The following KYNU variants were observed in gnomAD, a reference collection of about 807,000 sequenced individuals.
The protein encoded by KYNU is kynureninase, also known as L-kynurenine hydrolase.
In KYNU, 54 loss-of-function variants were observed where a neutral mutation model predicts 59.2. The observed-to-expected ratio is 0.91, with a 90% confidence interval of 0.73 to 1.14. The LOEUF (loss-of-function observed/expected upper bound fraction) is 1.14. KYNU is among the 50% of genes most tolerant of loss of function. KYNU has a pLI of 0.00. For missense variants in KYNU, 567 were observed against 554.4 expected, an observed-to-expected ratio of 1.02 and a Z score of -0.23; for synonymous variants, 177 against 192.0, an observed-to-expected ratio of 0.92 and a Z score of 0.65.
chr2:143,007,237 G>A (rs1241740369), intron 10 of KYNU, among the ~76,000 whole-genome samples: 1 of 150,036 alleles, frequency 6.7e-6, no homozygotes, highest in South Asian at 2.1e-4. Flanking sequence ...TGAAAACCAA[G>A]GCTCGAGAAC....
chr2:142,952,369 G>A (rs1016819048), intron 4 of KYNU, among the ~76,000 whole-genome samples: 7 of 151,932 alleles, frequency 4.6e-5, no homozygotes, highest in South Asian at 4.1e-4. Flanking sequence ...AAACCATCAT[G>A]CCCAGCCTAT....
At chr2:142,978,927 C>T (rs1684973276) in intron 8 of KYNU, among the ~76,000 whole-genome samples, 1 of 151,850 alleles carries the variant, frequency 6.6e-6, no homozygotes, top group African/African-American at 2.4e-5. Context: ...AATTTGATAC[C>T]AAATCAATCA....
At chr2:142,945,084 GA>G (rs1450779924) in intron 4 of KYNU, among the ~76,000 whole-genome samples, 6 of 152,174 alleles carry the variant, frequency 3.9e-5, no homozygotes, top group Admixed American at 3.9e-4. Flanking sequence ...AATGGCTGCT[GA>G]CCAATTGGGA....
Position 143,050,180 on chromosome 2 carries a change from T to A in KYNU, c.*8008T>A, listed in dbSNP as rs184610881. ...AAATATTTGAAGCAATTGTATTTTT[T>A]AAAAATTTCTTCTAAAGAAAACCAG... On this transcript the variant is annotated 3_prime_UTR_variant, in exon 14 of 14. Coordinates refer to ENST00000264170, the MANE Select transcript of KYNU (RefSeq NM_003937.3). The A allele has an allele frequency of 2.0e-5, 3 of 151,384 alleles. No homozygotes were observed. The highest frequency in any genetic ancestry group is 6.6e-5 in the Admixed American group (1 of 15,178). The allele number at this position is 151,384 out of a possible 1,614,324, so 9.4% of individuals were successfully genotyped here.
At chr2:142,987,062 C>T (rs2105163076) in intron 10 of KYNU, among the ~76,000 whole-genome samples, 1 of 151,994 alleles carries the variant, frequency 6.6e-6, no homozygotes, top group East Asian at 1.9e-4. Flanking sequence ...GTCAACCAGA[C>T]ATCTTACTTG....
At chr2:143,037,102 TTA>T (rs201501310) in intron 12 of KYNU, among the ~76,000 whole-genome samples, 1 of 151,672 alleles carries the variant, frequency 6.6e-6, no homozygotes, top group East Asian at 1.9e-4. Flanking sequence ...GTCCTTTTGT[TTA>T]TATTTTTTTA....
chr2:142,893,998 A>T (rs746052457), intron 2 of KYNU, among the ~76,000 whole-genome samples: 7 of 152,216 alleles, frequency 4.6e-5, no homozygotes, highest in Non-Finnish European at 1.0e-4. Flanking sequence ...CAAGGAGAGT[A>T]CACTTTCACC....
chr2:142,975,196 A>G (rs1684848550), intron 8 of KYNU, among the ~76,000 whole-genome samples: 1 of 152,080 alleles, frequency 6.6e-6, no homozygotes, highest in African/African-American at 2.4e-5. Context: ...TAAAAACCCC[A>G]AACTCCTCTG....
At chr2:143,020,439 A>G (rs1159824018) in intron 10 of KYNU, among the ~76,000 whole-genome samples, 4 of 152,130 alleles carry the variant, frequency 2.6e-5, no homozygotes, top group East Asian at 3.8e-4. Flanking sequence ...TACAGTTTCC[A>G]AAGTTCCTTT....
intron 10 of KYNU, among the ~76,000 whole-genome samples, chr2:142,999,644 TG>T (rs1558967906): frequency 6.6e-6 from 1 of 152,158 alleles, no homozygotes; most frequent in African/African-American, 2.4e-5. Flanking sequence ...AAATTAGTAA[TG>T]TTTTTCAAAA....
chr2:142,931,071 G>C lies in KYNU; in HGVS notation c.373+3330G>C, dbSNP rs935787503. ...GATGGCCTCTTTCTCGATCTTCAGG[G>C]TTACGTGTCTTCCGGCCAGGGTAGC... On this transcript the variant is annotated intron_variant, in intron 4 of 13. Transcript: ENST00000264170. Among the ~76,000 whole-genome samples, 7 of 152,296 alleles carry C rather than the reference G, an allele frequency of 4.6e-5. No individual in the cohort carries two copies. In the East Asian group the frequency reaches 1.4e-3, roughly 29 times the overall value.
chr2:143,005,053 A>G (rs571590656), intron 10 of KYNU, among the ~76,000 whole-genome samples: 3 of 152,350 alleles, frequency 2.0e-5, no homozygotes, highest in Non-Finnish European at 4.4e-5. Flanking sequence ...AGGCTTCCTG[A>G]TAAGTAGGTC....
At chr2:143,000,804 A>G (rs1047548708) in intron 10 of KYNU, among the ~76,000 whole-genome samples, 1 of 152,154 alleles carries the variant, frequency 6.6e-6, no homozygotes. Flanking sequence ...GAGCAGTGCT[A>G]TGTGCCCTGG....
intron 2 of KYNU, among the ~76,000 whole-genome samples, chr2:142,889,666 T>C (rs974828093): frequency 1.3e-5 from 2 of 152,224 alleles, no homozygotes; most frequent in Non-Finnish European, 2.9e-5. Context: ...TTTTTTGTTT[T>C]GACAAGATGT....
chr2:143,054,530 C>T lies in KYNU; in HGVS notation c.*12358C>T, dbSNP rs1184250002. 1.3e-5 allele frequency: 2 copies of T among 152,126 alleles called. No individual in the cohort carries two copies. The highest frequency in any genetic ancestry group is 3.8e-4 in the East Asian group (2 of 5,202). The allele number at this position is 152,126 out of a possible 1,614,324, so 9.4% of individuals were successfully genotyped here. ...GGAGGCATCACGTTGTTATGAACTT[C>T]ATTGATCAATACTGATACCACTAAA... is the stretch of plus-strand genomic sequence containing the variant. On this transcript the variant is annotated 3_prime_UTR_variant, in exon 14 of 14. Coordinates refer to ENST00000264170, the MANE Select transcript of KYNU (RefSeq NM_003937.3).
At chr2:142,971,451 A>T (rs552261653) in intron 8 of KYNU, 4 of 152,250 alleles carry the variant, frequency 2.6e-5, no homozygotes, top group African/African-American at 9.6e-5. Flanking sequence ...CTTGACTTTT[A>T]TTGGCAACAT....
At chr2:142,949,782 TCGTTA>T in intron 4 of KYNU, among the ~76,000 whole-genome samples, 1 of 150,026 alleles carries the variant, frequency 6.7e-6, no homozygotes, top group African/African-American at 2.5e-5. Flanking sequence ...ATTCTGCTCC[TCGTTA>T]CTTATGCAAA....
chr2:143,015,696 G>A (rs1276279955), intron 10 of KYNU, among the ~76,000 whole-genome samples: 2 of 151,954 alleles, frequency 1.3e-5, no homozygotes, highest in East Asian at 1.9e-4. Context: ...CATTAGATAG[G>A]ATCAGTGAAA....
At chr2:143,030,376 G>A (rs1392909399) in intron 11 of KYNU, among the ~76,000 whole-genome samples, 1 of 152,236 alleles carries the variant, frequency 6.6e-6, no homozygotes, top group Non-Finnish European at 1.5e-5. Flanking sequence ...ATGGGATGCA[G>A]AAAGATCATA....
Sources: allele counts gnomAD v4.1 joint callset (sites outside exome capture counted in the v4.1 genomes callset), GRCh38; gene constraint gnomAD v4.1.1; transcripts MANE v1.5; gene names NCBI Gene and HGNC (gene_info 2026-07-23, HGNC 2026-07-21).